The following TMOD3 variants were observed in gnomAD, a reference collection of about 807,000 sequenced individuals.
TMOD3 encodes the protein tropomodulin-3.
Under a neutral mutation model 39.2 loss-of-function variants are expected in TMOD3, and 20 were observed. The ratio of observed to expected loss-of-function variants is 0.51; its 90% confidence interval spans 0.36 to 0.74. The LOEUF is 0.74. Among genes scored for constraint, TMOD3 ranks in the 30% least tolerant of loss-of-function variants. The pLI is 0.00. For missense variants in TMOD3, 381 were observed against 412.8 expected (o/e 0.92, Z 0.67); for synonymous variants, 143 against 145.8 (o/e 0.98, Z 0.14).
At chr15:51,876,620 C>T (rs1051668730) in intron 3 of TMOD3, among the ~76,000 whole-genome samples, 1 of 152,052 alleles carries the variant, frequency 6.6e-6, no homozygotes, top group Admixed American at 6.5e-5. Flanking sequence ...TGCCACCTCG[C>T]CCGGCTAATT....
chr15:51,847,427 G>A (rs995666902), intron 1 of TMOD3, among the ~76,000 whole-genome samples: 10 of 152,196 alleles, frequency 6.6e-5, no homozygotes, highest in Non-Finnish European at 1.2e-4. Context: ...CTTTTACACA[G>A]AATAATCAAC....
chr15:51,901,798 C>A (rs2056652119), intron 8 of TMOD3, 94 bp from the exon 9 acceptor site: 3 of 1,293,184 alleles, frequency 2.3e-6, no homozygotes, highest in African/African-American at 1.5e-5. Flanking sequence ...TTAAAGAGAT[C>A]AAAGAATTAG....
chr15:51,891,943 A>G (rs941649640), intron 5 of TMOD3, among the ~76,000 whole-genome samples: 6 of 152,208 alleles, frequency 3.9e-5, no homozygotes, highest in Non-Finnish European at 5.9e-5. Flanking sequence ...CTTCTACAGG[A>G]TAAATCTGAA....
intron 3 of TMOD3, among the ~76,000 whole-genome samples, chr15:51,871,050 G>A (rs1027912999): frequency 3.3e-5 from 5 of 151,882 alleles, no homozygotes; most frequent in African/African-American, 1.2e-4. Flanking sequence ...CAAAAAAAAA[G>A]CAAAAAACAA....
rs547562969 is a variant in TMOD3 at position 51,895,280 on chromosome 15, G to A, written c.628-1139G>A. Among the ~76,000 whole-genome samples, 63 of 150,258 alleles carry A rather than the reference G, an allele frequency of 4.2e-4. No homozygotes were observed. The East Asian group carries it at 6.8e-3, about 16-fold the overall frequency. On this transcript the variant is annotated intron_variant, in intron 6 of 9. Transcript: ENST00000308580. ...TGCCCAGGCTGGAGTGCAGTGGTGC[G>A]ATCTTGGCTCACTGCAACCTCTGCC...
intron 3 of TMOD3, among the ~76,000 whole-genome samples, chr15:51,877,726 C>G (rs1408460201): frequency 6.6e-6 from 1 of 151,604 alleles, no homozygotes; most frequent in African/African-American, 2.4e-5. Context: ...GAGCAGTGTT[C>G]AGTCTAGGGC....
rs57976840 is a variant in TMOD3, at chr15:51,901,572, AGTGTGTGTGTGT to A, written c.880-291_880-280del. On this transcript the variant is annotated intron_variant, in intron 8 of 9. Transcript: ENST00000308580. ...CATATTACTGAACTTTAAAAAGTTT[AGTGTGTGTGTGT>A]GTGTGTGTGTGTGTGTGTGTGTGTG... The A allele has an allele frequency of 2.4e-3, 442 of 184,880 alleles. 3 individuals carry two copies. The highest frequency in any genetic ancestry group is 9.6e-3 in the African/African-American group (380 of 39,610). 11.5% of individuals were successfully genotyped at this position (184,880 alleles called of 1,614,324 possible).
chr15:51,872,093 A>G lies in TMOD3; in HGVS notation c.283+2720A>G, dbSNP rs112831865. 9.8e-3 allele frequency among the ~76,000 whole-genome samples: 1,499 copies of G among 152,294 alleles called. 30 individuals carry two copies. Among genetic ancestry groups the G allele is most frequent in the African/African-American group, 0.035 (1,438 of 41,566 alleles). ...TAAACACACCATGTAATTACCATTC[A>G]GGTAACGATAACATCAGCAGCCGGA... On this transcript the variant is annotated intron_variant, in intron 3 of 9. Transcript: ENST00000308580.
At chr15:51,847,226 G>A (rs1232627592) in intron 1 of TMOD3, among the ~76,000 whole-genome samples, 1 of 152,168 alleles carries the variant, frequency 6.6e-6, no homozygotes, top group Non-Finnish European at 1.5e-5. Context: ...TCTACTTTAA[G>A]GTAGTCCTCC....
intron 1 of TMOD3, among the ~76,000 whole-genome samples, chr15:51,851,781 C>T (rs902360959): frequency 4.6e-5 from 7 of 152,198 alleles, no homozygotes; most frequent in African/African-American, 1.7e-4. Context: ...TACAGCCAAC[C>T]GCTGTGTTTC....
intron 7 of TMOD3, 41 bp from the exon 8 acceptor site, chr15:51,900,114 G>T: frequency 6.3e-7 from 1 of 1,586,366 alleles, no homozygotes; most frequent in African/African-American, 1.3e-5. Context: ...AGTAGGTACT[G>T]TATCAAATTT....
chr15:51,837,481 T>G (rs796557987), intron 1 of TMOD3, among the ~76,000 whole-genome samples: 53 of 151,594 alleles, frequency 3.5e-4, no homozygotes, highest in African/African-American at 1.2e-3. Flanking sequence ...AGCTGAGGAG[T>G]TGGGGGTCTA....
At chr15:51,850,816 A>AACT (rs1326847770) in intron 1 of TMOD3, among the ~76,000 whole-genome samples, 1 of 152,064 alleles carries the variant, frequency 6.6e-6, no homozygotes, top group Non-Finnish European at 1.5e-5. Context: ...GGCTCACTGT[A>AACT]ACCTCTGCCT....
intron 7 of TMOD3, among the ~76,000 whole-genome samples, chr15:51,898,057 C>T (rs1305319362): frequency 6.6e-6 from 1 of 152,164 alleles, no homozygotes; most frequent in Non-Finnish European, 1.5e-5. Flanking sequence ...AGTTAAATGA[C>T]CTCATTCCTA....
intron 2 of TMOD3, among the ~76,000 whole-genome samples, chr15:51,864,663 G>A (rs142769606): frequency 1.3e-5 from 2 of 152,272 alleles, no homozygotes; most frequent in African/African-American, 4.8e-5. Context: ...GGGAATGAAT[G>A]GGTGAGTCAG....
intron 3 of TMOD3, among the ~76,000 whole-genome samples, chr15:51,878,905 C>G (rs949198479): frequency 1.3e-5 from 2 of 152,132 alleles, no homozygotes; most frequent in Non-Finnish European, 2.9e-5. Context: ...AATGAAGTAA[C>G]CAAGAGCCAC....
At chr15:51,889,643 G>A (rs1393974966) in intron 5 of TMOD3, among the ~76,000 whole-genome samples, 2 of 152,180 alleles carry the variant, frequency 1.3e-5, no homozygotes, top group African/African-American at 4.8e-5. Flanking sequence ...GCTGAGGCAG[G>A]AGGATTGCTT....
intron 3 of TMOD3, among the ~76,000 whole-genome samples, chr15:51,885,284 C>CTTTTTTTTTTTTT (rs67378569): frequency 1.6e-5 from 2 of 126,970 alleles, no homozygotes; most frequent in Middle Eastern, 4.0e-3. Context: ...TTTCTTTTTT[C>CTTTTTTTTTTTTT]TTTTTTTTTT....
At chr15:51,878,138 T>C (rs2056514296) in intron 3 of TMOD3, among the ~76,000 whole-genome samples, 1 of 152,246 alleles carries the variant, frequency 6.6e-6, no homozygotes, top group Non-Finnish European at 1.5e-5. Flanking sequence ...CCTGGAACCT[T>C]TCTCCAGACA....
Sources: allele counts gnomAD v4.1 joint callset (sites outside exome capture counted in the v4.1 genomes callset), GRCh38; gene constraint gnomAD v4.1.1; transcripts MANE v1.5; gene names NCBI Gene and HGNC (gene_info 2026-07-23, HGNC 2026-07-21).